The following TCERG1L variants were observed in gnomAD, a reference collection of about 807,000 sequenced individuals.
TCERG1L encodes the protein transcription elongation regulator 1-like protein.
TCERG1L carries 37 observed loss-of-function variants against 56.3 expected under a neutral mutation model. That is an observed-to-expected ratio of 0.66 (90% confidence interval 0.51 to 0.87). The LOEUF (loss-of-function observed/expected upper bound fraction) is 0.87, where lower values mean the gene tolerates loss of function less well. TCERG1L is among the 40% of genes least tolerant of loss of function. The pLI is 0.00. For synonymous variants in TCERG1L, 324 were observed against 326.3 expected (o/e 0.99, Z 0.08); for missense variants, 799 against 774.2 (o/e 1.03, Z -0.38).
intron 4 of TCERG1L, among the ~76,000 whole-genome samples, chr10:131,181,192 G>C (rs1441446825): frequency 1.4e-5 from 2 of 146,216 alleles, no homozygotes; most frequent in Non-Finnish European, 1.5e-5. Context: ...TGGAGCCAAG[G>C]CCTGGAGCCT....
intron 4 of TCERG1L, among the ~76,000 whole-genome samples, chr10:131,192,166 T>C (rs915805018): frequency 7.0e-6 from 1 of 142,950 alleles, no homozygotes; most frequent in Non-Finnish European, 1.5e-5. Flanking sequence ...TATGAGGAAC[T>C]CAAACCACCA....
intron 8 of TCERG1L, among the ~76,000 whole-genome samples, chr10:131,129,627 TGGAC>T: frequency 6.6e-6 from 1 of 152,350 alleles, no homozygotes; most frequent in East Asian, 1.9e-4. Flanking sequence ...AAGCACACAC[TGGAC>T]CATCTTACGC....
intron 4 of TCERG1L, among the ~76,000 whole-genome samples, chr10:131,241,915 T>C (rs1845978285): frequency 6.6e-6 from 1 of 152,000 alleles, no homozygotes; most frequent in African/African-American, 2.4e-5. Flanking sequence ...AAGTCACCTG[T>C]ACAGTAACAC....
intron 7 of TCERG1L, among the ~76,000 whole-genome samples, chr10:131,139,930 G>A (rs1309300696): frequency 6.6e-6 from 1 of 152,142 alleles, no homozygotes; most frequent in Admixed American, 6.5e-5. Context: ...AATGTGGCTG[G>A]CTGCATCAGG....
rs145038686 is a variant in TCERG1L, at chr10:131,132,823, G to GC, written c.1259+1555dup. Reference sequence around the variant, plus strand: ...GATTTGGGGTAGCAAGAAGACAGCTGCCCAGGAGATTGTGGGTGGGAGGCG... The same window carrying GC: ...GATTTGGGGTAGCAAGAAGACAGCTGCCCCAGGAGATTGTGGGTGGGAGGCG... On this transcript the variant is annotated intron_variant, in intron 8 of 11. Coordinates refer to ENST00000368642, the MANE Select transcript of TCERG1L (RefSeq NM_174937.4). Among the ~76,000 whole-genome samples, 110 of 152,296 alleles carry GC rather than the reference G, an allele frequency of 7.2e-4. 2 individuals carry two copies. The East Asian group carries it at 0.015, about 21-fold the overall frequency.
chr10:131,154,515 G>A (rs1002402591), intron 6 of TCERG1L, among the ~76,000 whole-genome samples: 3 of 152,184 alleles, frequency 2.0e-5, no homozygotes, highest in African/African-American at 7.2e-5. Flanking sequence ...CTCTCAGAAT[G>A]AAAGGGCCGC....
intron 4 of TCERG1L, among the ~76,000 whole-genome samples, chr10:131,229,267 T>C (rs1200887703): frequency 6.6e-6 from 1 of 152,258 alleles, no homozygotes; most frequent in Non-Finnish European, 1.5e-5. Flanking sequence ...GCCCAGGCCA[T>C]TCTCCTCCGC....
At chr10:131,108,946 G>A (rs1031763751) in intron 9 of TCERG1L, among the ~76,000 whole-genome samples, 2 of 152,340 alleles carry the variant, frequency 1.3e-5, no homozygotes, top group East Asian at 3.9e-4. Context: ...CTTCAAGCCA[G>A]TGAGAGAATC....
chr10:131,175,626 C>T (rs943519859), intron 4 of TCERG1L, among the ~76,000 whole-genome samples: 3 of 152,222 alleles, frequency 2.0e-5, no homozygotes, highest in Admixed American at 6.5e-5. Flanking sequence ...TCACAAATTA[C>T]GCTCAAAGTT....
chr10:131,098,740 C>G (rs1845274740), intron 10 of TCERG1L, among the ~76,000 whole-genome samples: 1 of 152,174 alleles, frequency 6.6e-6, no homozygotes, highest in African/African-American at 2.4e-5. Context: ...CGTCTGGAAC[C>G]AAGTGGCGGT....
intron 10 of TCERG1L, among the ~76,000 whole-genome samples, chr10:131,099,040 G>A (rs900237129): frequency 6.6e-6 from 1 of 152,198 alleles, no homozygotes; most frequent in African/African-American, 2.4e-5. Flanking sequence ...TTCTGAGGGG[G>A]TCACAGGATG....
intron 3 of TCERG1L, among the ~76,000 whole-genome samples, chr10:131,305,282 A>C (rs1042257025): frequency 2.6e-5 from 4 of 152,078 alleles, no homozygotes; most frequent in Non-Finnish European, 4.4e-5. Flanking sequence ...GGCGACCATC[A>C]TCCTCCTGGT....
In TCERG1L at chr10:131,311,227, C is replaced by T. The variant is rs2133050405; in HGVS notation, c.342+67G>A. On this transcript the variant is annotated intron_variant, in intron 1 of 11. Transcript: ENST00000368642. This position sits in a 1 kb window ranked among gnomAD's most constrained non-coding sequence, Gnocchi z 4.0. ...CGCGAGCCGGAGGCCAGAGCCGGGC[C>T]GGGCAGGGCGCGCCCAGGAGCAGGG... The T allele has an allele frequency of 9.1e-7, 1 of 1,099,596 alleles. No individual in the cohort carries two copies. The allele number at this position is 1,099,596 out of a possible 1,614,324, so 68.1% of individuals were successfully genotyped here. A position where few individuals can be genotyped will look rare whatever the true frequency, so the allele number is the denominator to read the frequency against.
chr10:131,204,557 C>A (rs960389686), intron 4 of TCERG1L, among the ~76,000 whole-genome samples: 2 of 152,226 alleles, frequency 1.3e-5, no homozygotes, highest in Non-Finnish European at 1.5e-5. Flanking sequence ...CCTGGCTTCC[C>A]AGCAGCGGTG....
chr10:131,192,595 T>G (rs1845316913), intron 4 of TCERG1L, among the ~76,000 whole-genome samples: 1 of 144,398 alleles, frequency 6.9e-6, no homozygotes, highest in African/African-American at 2.6e-5. Context: ...AATTCACAAC[T>G]GCAACCTAAA....
At chr10:131,246,816 G>A (rs888034927) in intron 4 of TCERG1L, among the ~76,000 whole-genome samples, 1 of 152,208 alleles carries the variant, frequency 6.6e-6, no homozygotes, top group African/African-American at 2.4e-5. Flanking sequence ...ACCCCTACAA[G>A]GCATCCCCCT....
chr10:131,254,031 C>T (rs182366654), intron 4 of TCERG1L, among the ~76,000 whole-genome samples: 4 of 152,262 alleles, frequency 2.6e-5, no homozygotes, highest in South Asian at 2.1e-4. Flanking sequence ...ACTCGGGCCA[C>T]GTGCTGGAGC....
intron 4 of TCERG1L, among the ~76,000 whole-genome samples, chr10:131,177,138 A>G (rs1275486742): frequency 1.3e-5 from 2 of 152,040 alleles, no homozygotes; most frequent in African/African-American, 4.8e-5. Context: ...ATATGCACAC[A>G]CACAGACACG....
intron 5 of TCERG1L, among the ~76,000 whole-genome samples, chr10:131,164,883 C>T (rs1036866200): frequency 2.0e-5 from 3 of 152,146 alleles, no homozygotes; most frequent in Non-Finnish European, 4.4e-5. Context: ...GCCGCCAGCG[C>T]AACATCAGCC....
Sources: gnomAD v4.1 joint callset for allele counts (sites outside exome capture counted in the v4.1 genomes callset) on GRCh38, gnomAD v4.1.1 for gene constraint, Gnocchi (gnomAD v3.1) non-coding constraint, MANE v1.5 for transcripts, NCBI Gene and HGNC (gene_info 2026-07-23, HGNC 2026-07-21) for gene names.